The following PIK3C2G variants were observed in gnomAD, a reference collection of about 807,000 sequenced individuals.
The protein encoded by PIK3C2G is phosphatidylinositol-4-phosphate 3-kinase catalytic subunit type 2 gamma, also known as phosphatidylinositol 3-kinase C2 domain-containing subunit gamma.
Under a neutral mutation model 181.1 loss-of-function variants are expected in PIK3C2G, and 168 were observed. The ratio of observed to expected loss-of-function variants is 0.93; its 90% confidence interval spans 0.82 to 1.05. The LOEUF (loss-of-function observed/expected upper bound fraction) is 1.05. PIK3C2G is among the 50% of genes least tolerant of loss of function. The pLI is 0.00. For missense variants in PIK3C2G, 1,869 were observed against 1,732.8 expected, an observed-to-expected ratio of 1.08 and a Z score of -1.40; for synonymous variants, 573 against 592.2, an observed-to-expected ratio of 0.97 and a Z score of 0.47.
intron 7 of PIK3C2G, among the ~76,000 whole-genome samples, chr12:18,322,576 A>G (rs1010410570): frequency 6.6e-6 from 1 of 152,102 alleles, no homozygotes; most frequent in Non-Finnish European, 1.5e-5. Context: ...TCCTGTTTCA[A>G]AACTAAAGAA....
chr12:18,429,745 T>G (rs1946047203), intron 18 of PIK3C2G, among the ~76,000 whole-genome samples: 1 of 152,158 alleles, frequency 6.6e-6, no homozygotes, highest in Admixed American at 6.5e-5. Flanking sequence ...CCATCAATAT[T>G]TTCACACACA....
At chr12:18,360,501 T>C (rs73064583) in intron 11 of PIK3C2G, among the ~76,000 whole-genome samples, 278 of 152,324 alleles carry the variant, frequency 1.8e-3, no homozygotes, top group Middle Eastern at 3.4e-3. Flanking sequence ...CTCTATAGCA[T>C]TGTTGCATTT....
chr12:18,496,597 T>C (rs1941030574), intron 21 of PIK3C2G, among the ~76,000 whole-genome samples: 2 of 152,092 alleles, frequency 1.3e-5, no homozygotes, highest in African/African-American at 4.8e-5. Flanking sequence ...AAAGTAAATA[T>C]GGGTCATTTC....
chr12:18,357,684 T>C (rs1226283998), intron 11 of PIK3C2G, among the ~76,000 whole-genome samples: 1 of 152,136 alleles, frequency 6.6e-6, no homozygotes, highest in Non-Finnish European at 1.5e-5. Context: ...ACTAAAAAAG[T>C]TTAATTGTAA....
intron 18 of PIK3C2G, among the ~76,000 whole-genome samples, chr12:18,484,017 C>A (rs1464125328): frequency 6.6e-6 from 1 of 152,162 alleles, no homozygotes; most frequent in Admixed American, 6.6e-5. Context: ...CAAAATTAAA[C>A]CAAACCGGAG....
intron 18 of PIK3C2G, among the ~76,000 whole-genome samples, chr12:18,487,535 A>G (rs1940171956): frequency 6.6e-6 from 1 of 152,148 alleles, no homozygotes; most frequent in Admixed American, 6.5e-5. Context: ...AAAAGAATCA[A>G]TTAGAGAGAA....
chr12:18,414,773 G>A (rs552136819), intron 16 of PIK3C2G, among the ~76,000 whole-genome samples: 1 of 152,266 alleles, frequency 6.6e-6, no homozygotes, highest in East Asian at 1.9e-4. Context: ...AAGTATGAAA[G>A]AGCCCATGTT....
the PIK3C2G span, among the ~76,000 whole-genome samples, chr12:18,698,048 T>TCCTGTCCTCATGAACAACATGAGGA: frequency 1.6e-3 from 243 of 151,914 alleles, 1 homozygote; most frequent in Middle Eastern, 6.8e-3. Context: ...TGCCTACAGG[T>TCCTGTCCTCATGAACAACATGAGGA]CCTGTCCTCA....
intron 9 of PIK3C2G, among the ~76,000 whole-genome samples, chr12:18,341,964 A>C (rs1428716288): frequency 1.3e-5 from 2 of 152,098 alleles, no homozygotes; most frequent in East Asian, 3.9e-4. Flanking sequence ...ACTCTATTTT[A>C]TTCTCTGACC....
intron 9 of PIK3C2G, among the ~76,000 whole-genome samples, chr12:18,339,087 T>C (rs1201846214): frequency 1.3e-5 from 2 of 152,106 alleles, no homozygotes; most frequent in Non-Finnish European, 2.9e-5. Context: ...GGATCCCACA[T>C]CATGATTTGG....
chr12:18,344,665 C>T (rs1034789062), intron 10 of PIK3C2G, among the ~76,000 whole-genome samples: 1 of 152,020 alleles, frequency 6.6e-6, no homozygotes, highest in African/African-American at 2.4e-5. Flanking sequence ...CAGAAATGTT[C>T]CTGGAGACTT....
At chr12:18,688,667 T>C in the PIK3C2G span, among the ~76,000 whole-genome samples, 2 of 152,000 alleles carry the variant, frequency 1.3e-5, no homozygotes, top group African/African-American at 4.8e-5. Context: ...CAAAATCAGT[T>C]ATTTCATATG....
chr12:18,272,369 G>A (rs1235635621), intron 1 of PIK3C2G, among the ~76,000 whole-genome samples: 3 of 151,966 alleles, frequency 2.0e-5, no homozygotes, highest in Non-Finnish European at 2.9e-5. Flanking sequence ...CTTCTTCATG[G>A]TAGTTTTGAA....
intron 18 of PIK3C2G, among the ~76,000 whole-genome samples, chr12:18,451,011 G>A (rs770180313): frequency 9.9e-5 from 15 of 152,138 alleles, no homozygotes; most frequent in Non-Finnish European, 1.8e-4. Flanking sequence ...CAGGTAGCAC[G>A]ATGCCTCCAG....
chr12:18,645,437 T>C lies in PIK3C2G; in HGVS notation c.4309-2439T>C, dbSNP rs371608393. Among the ~76,000 whole-genome samples the C allele has an allele frequency of 2.0e-5, 3 of 152,174 alleles. No individual in the cohort carries two copies. The East Asian group carries it at 5.8e-4, about 29-fold the overall frequency. ...CTTAATGAAGCAGAGGGAAAAAATA[T>C]ATGAAGTAATAAAAACTTTGGAAGT... On this transcript the variant is annotated intron_variant, in intron 32 of 32. Coordinates refer to ENST00000538779, the MANE Select transcript of PIK3C2G (RefSeq NM_001288772.2).
chr12:18,683,132 T>G, the PIK3C2G span: 1 of 937,688 alleles, frequency 1.1e-6, no homozygotes, highest in Non-Finnish European at 1.7e-6. Context: ...TTTCTAGTTT[T>G]ATGAGTAATT....
intron 13 of PIK3C2G, among the ~76,000 whole-genome samples, chr12:18,375,697 A>G (rs939457100): frequency 1.3e-5 from 2 of 152,264 alleles, no homozygotes; most frequent in African/African-American, 4.8e-5. Context: ...AAGGCATTTC[A>G]GAGATATTCC....
At chr12:18,634,763 G>A (rs957414715) in intron 31 of PIK3C2G, among the ~76,000 whole-genome samples, 4 of 152,176 alleles carry the variant, frequency 2.6e-5, no homozygotes, top group African/African-American at 9.6e-5. Context: ...GGGGAAAGAG[G>A]CTAATGAGTA....
chr12:18,489,246 T>C (rs998453479), intron 19 of PIK3C2G, among the ~76,000 whole-genome samples: 1 of 152,022 alleles, frequency 6.6e-6, no homozygotes, highest in Non-Finnish European at 1.5e-5. Context: ...AGTTCAACAC[T>C]CTAGATGCAG....
Sources: allele counts gnomAD v4.1 joint callset (sites outside exome capture counted in the v4.1 genomes callset), GRCh38; gene constraint gnomAD v4.1.1; transcripts MANE v1.5; gene names NCBI Gene and HGNC (gene_info 2026-07-23, HGNC 2026-07-21).